NCAPD3: variants seen among roughly 807,000 people sequenced by gnomAD.
NCAPD3 encodes the protein condensin-2 complex subunit D3.
A neutral mutation model predicts 182.9 loss-of-function variants in NCAPD3; 105 were observed. The observed-to-expected ratio is 0.57, with a 90% confidence interval of 0.49 to 0.68. The LOEUF (loss-of-function observed/expected upper bound fraction) is 0.68, where lower values mean the gene tolerates loss of function less well. Among genes scored for constraint, NCAPD3 ranks in the 30% least tolerant of loss-of-function variants. The probability of loss-of-function intolerance (pLI) is 0.00; values close to 1 mark genes in which losing one functional copy is unlikely to be tolerated. For synonymous variants in NCAPD3, 815 were observed against 679.9 expected (o/e 1.20, Z -3.09); for missense variants, 1,944 against 1,837.0 (o/e 1.06, Z -1.07).
rs186658331 is a variant in NCAPD3 at position 134,188,236 on chromosome 11, G to A, written c.2046-2710C>T. Among the ~76,000 whole-genome samples the A allele has an allele frequency of 5.2e-4, 78 of 151,092 alleles. 1 individual carries two copies. The highest frequency in any genetic ancestry group is 7.9e-4 in the African/African-American group (32 of 40,476). On this transcript the variant is annotated intron_variant, in intron 16 of 34. Coordinates refer to ENST00000534548, the MANE Select transcript of NCAPD3 (RefSeq NM_015261.3). ...GTAAAAACACACCAATCAGCACTCC[G>A]TGTCTAGCTAAAGGATTGTAAATGT... is the stretch of plus-strand genomic sequence containing the variant.
chr11:134,169,152 A>G (rs1228409239), intron 24 of NCAPD3, 98 bp from the exon 25 acceptor site: 4 of 1,232,922 alleles, frequency 3.2e-6, no homozygotes, highest in Admixed American at 5.6e-5. Context: ...AGAGCTGTAC[A>G]TAAGCGTAGG....
intron 27 of NCAPD3, among the ~76,000 whole-genome samples, chr11:134,165,897 G>A (rs1212862897): frequency 1.3e-4 from 17 of 126,830 alleles, no homozygotes; most frequent in South Asian, 2.8e-4. Flanking sequence ...CTTGGGGGAG[G>A]GGCACACTCA....
intron 16 of NCAPD3, among the ~76,000 whole-genome samples, chr11:134,188,202 T>C (rs1457501989): frequency 1.3e-5 from 2 of 151,400 alleles, no homozygotes; most frequent in African/African-American, 4.9e-5. Flanking sequence ...ATGCACCAAT[T>C]AGCACTCTGT....
intron 16 of NCAPD3, among the ~76,000 whole-genome samples, chr11:134,187,068 ACTCCCAGCCCTCCACTCCCAGCCAGC>A (rs1944423350): frequency 6.6e-6 from 1 of 151,864 alleles, no homozygotes; most frequent in South Asian, 2.1e-4. Context: ...CTCTTTGACA[ACTCCCAGCCCTCCACTCCCAGCCAGC>A]CTCCCAGCCC....
At chr11:134,194,196 A>T in intron 14 of NCAPD3, 46 bp from the exon 15 acceptor site, 2 of 1,579,436 alleles carry the variant, frequency 1.3e-6, no homozygotes, top group Non-Finnish European at 1.7e-6. Context: ...CATAGCATCA[A>T]CTCACAAAGA....
Position 134,219,046 on chromosome 11 carries a change from C to G in NCAPD3, c.219+1526G>C, listed in dbSNP as rs1268041252. Among the ~76,000 whole-genome samples, 10 of 152,346 alleles carry G rather than the reference C, an allele frequency of 6.6e-5. No individual in the cohort carries two copies. The East Asian group carries it at 1.9e-3, about 29-fold the overall frequency. ...TACCAAACATGTTCAAACTCCACTG[C>G]TGAACCTCACGTAAAGCTACCCGTG... On this transcript the variant is annotated intron_variant, in intron 2 of 34. Transcript: ENST00000534548.
intron 3 of NCAPD3, among the ~76,000 whole-genome samples, chr11:134,212,375 T>TGTGTGTGTGTGTGTG (rs1937866526): frequency 3.1e-4 from 44 of 143,274 alleles, no homozygotes; most frequent in African/African-American, 1.0e-3. Context: ...TTTTGTTGTT[T>TGTGTGTGTGTGTGTG]TGTGTGTGTG....
chr11:134,170,508 C>T (rs12280128), intron 24 of NCAPD3, among the ~76,000 whole-genome samples: 27 of 152,350 alleles, frequency 1.8e-4, no homozygotes, highest in Non-Finnish European at 2.9e-4. Flanking sequence ...TCTACTATGG[C>T]ATGGCAGTTT....
At chr11:134,171,730 C>A (rs542645487) in intron 24 of NCAPD3, among the ~76,000 whole-genome samples, 2 of 152,318 alleles carry the variant, frequency 1.3e-5, no homozygotes, top group African/African-American at 4.8e-5. Flanking sequence ...CTCTGCACTC[C>A]AGGTTCCACG....
At chr11:134,165,996 G>A (rs556655513) in intron 27 of NCAPD3, among the ~76,000 whole-genome samples, 1 of 130,420 alleles carries the variant, frequency 7.7e-6, no homozygotes, top group East Asian at 2.7e-4. Context: ...CTTAGGGAGA[G>A]CAGCACACTC....
intron 13 of NCAPD3, among the ~76,000 whole-genome samples, chr11:134,202,309 G>A (rs147099669): frequency 2.6e-5 from 4 of 152,280 alleles, no homozygotes; most frequent in East Asian, 1.9e-4. Flanking sequence ...ACCGGAAAAC[G>A]ACAGGTATAC....
Position 134,152,778 on chromosome 11 carries a change from T to G in NCAPD3, c.*166A>C, listed in dbSNP as rs1424698056. The G allele has an allele frequency of 3.5e-6, 2 of 573,278 alleles. No individual in the cohort carries two copies. The highest frequency in any genetic ancestry group is 6.6e-5 in the Admixed American group (2 of 30,444). The allele number at this position is 573,278 out of a possible 1,614,324, so 35.5% of individuals were successfully genotyped here. On this transcript the variant is annotated 3_prime_UTR_variant, in exon 35 of 35. Transcript: ENST00000534548. ...TGACAGTGTTTAACCAAATACATCA[T>G]ACAGAATAGAAGGTGAGTGCCAGGC...
chr11:134,216,557 A>G (rs1200438212), intron 3 of NCAPD3, among the ~76,000 whole-genome samples: 1 of 151,574 alleles, frequency 6.6e-6, no homozygotes, highest in Non-Finnish European at 1.5e-5. Context: ...TTCAATACCA[A>G]CATCGGAGAG....
At position 134,197,273 on chromosome 11, in the gene NCAPD3, C is replaced by CTTTT. The variant is rs35691982; in HGVS notation, c.1616-2539_1616-2536dup. ...TCTGATAAATTACCCAGTCTCACAT[C>CTTTT]TTTTTTTTTTTTTTTTTTTTTGAGA... On this transcript the variant is annotated intron_variant, in intron 13 of 34. Coordinates refer to ENST00000534548, the MANE Select transcript of NCAPD3 (RefSeq NM_015261.3). 1.0e-3 allele frequency among the ~76,000 whole-genome samples: 117 copies of CTTTT among 111,960 alleles called. 4 individuals carry two copies. Among genetic ancestry groups the CTTTT allele is most frequent in the Admixed American group, 2.4e-3 (25 of 10,336 alleles). The allele number at this position is 111,960 out of a possible 152,430, so 73.5% of individuals were successfully genotyped here. A position where few individuals can be genotyped will look rare whatever the true frequency, so the allele number is the denominator to read the frequency against.
chr11:134,200,604 T>A (rs1236367123), intron 13 of NCAPD3, among the ~76,000 whole-genome samples: 1 of 151,952 alleles, frequency 6.6e-6, no homozygotes, highest in Admixed American at 6.6e-5. Context: ...TGCAGAGAAA[T>A]AGGATTATCA....
At position 134,154,225 on chromosome 11, in the gene NCAPD3, T is replaced by C. The variant is rs547649676; in HGVS notation, c.4253-862A>G. ...CAAGAGATGTTAGCAGCCACTGTCA[T>C]TTATTAGCAGTATCATCCCTGCATC... On this transcript the variant is annotated intron_variant, in intron 32 of 34. Transcript: ENST00000534548. Among the ~76,000 whole-genome samples the C allele has an allele frequency of 2.6e-5, 4 of 152,280 alleles. No homozygotes were observed. The South Asian group carries it at 8.3e-4, about 32-fold the overall frequency.
chr11:134,207,788 G>A (rs1937670876), intron 7 of NCAPD3, among the ~76,000 whole-genome samples: 1 of 140,332 alleles, frequency 7.1e-6, no homozygotes, highest in South Asian at 2.4e-4. Context: ...AGACACAGTA[G>A]ACCTAAAGGG....
At chr11:134,168,430 G>C (rs760108390) in intron 26 of NCAPD3, 39 bp downstream of exon 26, 1 of 1,610,684 alleles carries the variant, frequency 6.2e-7, no homozygotes, top group South Asian at 1.1e-5. Context: ...CATTTCATTT[G>C]CAAACACACA....
Position 134,159,922 on chromosome 11 carries a change from A to G in NCAPD3, c.3837T>C (p.Ala1279=), listed in dbSNP as rs34720493. Residue 1279 remains alanine, a synonymous_variant, in exon 29 of 35, where the codon GCT becomes GCC. Transcript: ENST00000534548. ...LAKHADVAGT[A]GGAEVAPVAQ... ...CCACAGGTGCCACCTCAGCACCTCCAGCCGTCCCGGCCACATCTGCATGTT... is the reference window on the plus strand; with the variant it reads ...CCACAGGTGCCACCTCAGCACCTCCGGCCGTCCCGGCCACATCTGCATGTT... 1.7e-3 allele frequency: 2,741 copies of G among 1,613,596 alleles called. 42 individuals carry two copies. The African/African-American group carries it at 0.031, about 18-fold the overall frequency.
Sources: gnomAD v4.1 joint callset for allele counts (sites outside exome capture counted in the v4.1 genomes callset) on GRCh38, gnomAD v4.1.1 for gene constraint, MANE v1.5 for transcripts, NCBI Gene and HGNC (gene_info 2026-07-23, HGNC 2026-07-21) for gene names.